The following PIK3AP1 variants were observed in gnomAD, a reference collection of about 807,000 sequenced individuals.
The protein encoded by PIK3AP1 is phosphoinositide-3-kinase adaptor protein 1.
A neutral mutation model predicts 88.1 loss-of-function variants in PIK3AP1; 21 were observed. The ratio of observed to expected loss-of-function variants is 0.24; its 90% confidence interval spans 0.17 to 0.34. The LOEUF (loss-of-function observed/expected upper bound fraction) is 0.34, where lower values mean the gene tolerates loss of function less well. PIK3AP1 is among the 10% of genes least tolerant of loss of function. PIK3AP1 has a pLI of 1.00. For missense variants in PIK3AP1, 828 were observed against 1,035.7 expected (o/e 0.80, Z 2.75); for synonymous variants, 398 against 400.0 (o/e 1.00, Z 0.06).
intron 2 of PIK3AP1, among the ~76,000 whole-genome samples, chr10:96,664,640 T>C (rs888402069): frequency 5.9e-5 from 9 of 152,174 alleles, no homozygotes; most frequent in Admixed American, 5.9e-4. Flanking sequence ...ATGCTAATAG[T>C]GCGGCACTTG....
rs935163609 is a variant in PIK3AP1 at position 96,626,870 on chromosome 10, G to C, written c.1507C>G (p.Gln503Glu). The C allele has an allele frequency of 2.5e-6, 4 of 1,614,060 alleles. No homozygotes were observed. The African/African-American group carries it at 4.0e-5, about 16-fold the overall frequency. ...TCTTCTTCCTGACCAAGATGGCACT[G>C]ATCTCTCTCCAGATTGGTCATTCCC... ...SMGMTNLERD[Q>E]CHLGQEEDVY... Residue 503 changes from glutamine (Q) to glutamate (E), a missense_variant, in exon 10 of 17, where the codon CAG becomes GAG. Gln to Glu is a conservative substitution (Grantham distance 29, BLOSUM62 2). Coordinates refer to ENST00000339364, the MANE Select transcript of PIK3AP1 (RefSeq NM_152309.3).
chr10:96,610,672 C>T (rs138880424), intron 13 of PIK3AP1, among the ~76,000 whole-genome samples: 3 of 152,322 alleles, frequency 2.0e-5, no homozygotes, highest in East Asian at 1.9e-4. Context: ...ATGCCTTTGT[C>T]GAGCAAAGCA....
At chr10:96,649,583 C>A (rs182032022) in intron 6 of PIK3AP1, among the ~76,000 whole-genome samples, 2 of 152,202 alleles carry the variant, frequency 1.3e-5, no homozygotes, top group Non-Finnish European at 2.9e-5. Context: ...ATCCTCTTAG[C>A]CCTTATTCCT....
chr10:96,642,339 T>C (rs1843400213), intron 8 of PIK3AP1, among the ~76,000 whole-genome samples: 1 of 148,304 alleles, frequency 6.7e-6, no homozygotes, highest in Non-Finnish European at 1.5e-5. Context: ...GGTAGGAGGA[T>C]GGCTTGAGCT....
intron 2 of PIK3AP1, among the ~76,000 whole-genome samples, chr10:96,694,330 A>C (rs1337361394): frequency 6.6e-6 from 1 of 152,084 alleles, no homozygotes; most frequent in African/African-American, 2.4e-5. Flanking sequence ...AAACTCAATA[A>C]ATATTTGATG....
intron 2 of PIK3AP1, among the ~76,000 whole-genome samples, chr10:96,687,255 C>CAAAAAAAA (rs59631566): frequency 1.9e-3 from 107 of 55,330 alleles, no homozygotes; most frequent in African/African-American, 3.2e-3. Context: ...TACTCCATCT[C>CAAAAAAAA]AAAAAAAAAA....
At chr10:96,694,938 T>C (rs1392604690) in intron 2 of PIK3AP1, among the ~76,000 whole-genome samples, 1 of 152,186 alleles carries the variant, frequency 6.6e-6, no homozygotes. Flanking sequence ...TTTAATCACA[T>C]GCATGCCCCG....
chr10:96,680,304 A>AT (rs548564794), intron 2 of PIK3AP1, among the ~76,000 whole-genome samples: 54 of 146,932 alleles, frequency 3.7e-4, no homozygotes, highest in Middle Eastern at 3.5e-3. Flanking sequence ...CATACTATTG[A>AT]TTTTTTTTTT....
intron 13 of PIK3AP1, among the ~76,000 whole-genome samples, chr10:96,612,970 A>T (rs1340045171): frequency 9.3e-6 from 1 of 107,190 alleles, no homozygotes; most frequent in Non-Finnish European, 1.7e-5. Flanking sequence ...ATATATATAT[A>T]TATATATATA....
chr10:96,666,402 G>A (rs370399663), intron 2 of PIK3AP1, among the ~76,000 whole-genome samples: 71 of 152,264 alleles, frequency 4.7e-4, no homozygotes, highest in African/African-American at 1.7e-3. Flanking sequence ...CTGGGCAACA[G>A]AGTGAGACTC....
chr10:96,604,192 A>T (rs1283915036), intron 14 of PIK3AP1, 143 bp from the exon 15 acceptor site: 2 of 686,316 alleles, frequency 2.9e-6, no homozygotes. Flanking sequence ...TGGCCATCTT[A>T]TACTTTTTGT....
intron 2 of PIK3AP1, among the ~76,000 whole-genome samples, chr10:96,707,732 C>T (rs1444086835): frequency 2.0e-5 from 3 of 152,166 alleles, no homozygotes; most frequent in African/African-American, 7.2e-5. Flanking sequence ...TAAGATCATC[C>T]ACAGAAACAA....
intron 6 of PIK3AP1, among the ~76,000 whole-genome samples, 170 bp from the exon 7 acceptor site, chr10:96,649,025 G>A (rs1054652162): frequency 6.6e-6 from 1 of 152,158 alleles, no homozygotes; most frequent in African/African-American, 2.4e-5. Context: ...CACCACTGAA[G>A]ATCATGTCCT....
chr10:96,602,982 C>T (rs1004108837), intron 15 of PIK3AP1, among the ~76,000 whole-genome samples: 12 of 152,194 alleles, frequency 7.9e-5, no homozygotes, highest in African/African-American at 2.2e-4. Context: ...ATACACAGAA[C>T]AGTGACCCCG....
chr10:96,695,892 T>C (rs563634953), intron 2 of PIK3AP1, among the ~76,000 whole-genome samples: 1 of 152,338 alleles, frequency 6.6e-6, no homozygotes, highest in South Asian at 2.1e-4. Context: ...ATCTGGCACA[T>C]TTTTAAGTAT....
rs1258534018 is a variant in PIK3AP1 at position 96,620,567 on chromosome 10, A to T, written c.1736-10T>A. 2 of 1,610,786 alleles carry T rather than the reference A, an allele frequency of 1.2e-6. No individual in the cohort carries two copies. The highest frequency in any genetic ancestry group is 1.7e-6 in the Non-Finnish European group (2 of 1,178,706). On this transcript the variant is annotated splice_polypyrimidine_tract_variant and intron_variant, in intron 11 of 16. Coordinates refer to ENST00000339364, the MANE Select transcript of PIK3AP1 (RefSeq NM_152309.3). ...GGTCTGACGGGCGGCCCTGGAAAGG[A>T]TGGCAAAACTCAGCTTGACAGCTCC...
At chr10:96,620,312 G>A (rs1454817939) in intron 12 of PIK3AP1, 40 bp downstream of exon 12, 2 of 1,600,288 alleles carry the variant, frequency 1.2e-6, no homozygotes, top group Non-Finnish European at 1.7e-6. Context: ...TGTCAAGTGG[G>A]GAAATAGACA....
intron 13 of PIK3AP1, among the ~76,000 whole-genome samples, chr10:96,610,749 A>G (rs1397471290): frequency 6.6e-6 from 1 of 152,068 alleles, no homozygotes; most frequent in Non-Finnish European, 1.5e-5. Flanking sequence ...TACATTTCCA[A>G]TGCTGGGTTC....
Position 96,716,677 on chromosome 10 carries a change from C to A in PIK3AP1, c.13+3705G>T, listed in dbSNP as rs190712298. Reference sequence around the variant, plus strand: ...GGAAACTCCTTTCTTCAGCAATAATCCTCTTCCTTTAACCATAAGTAGCTT... The same window carrying A: ...GGAAACTCCTTTCTTCAGCAATAATACTCTTCCTTTAACCATAAGTAGCTT... On this transcript the variant is annotated intron_variant, in intron 1 of 16. Coordinates refer to ENST00000339364, the MANE Select transcript of PIK3AP1 (RefSeq NM_152309.3). 2.6e-4 allele frequency among the ~76,000 whole-genome samples: 39 copies of A among 152,326 alleles called. No homozygotes were observed. In the East Asian group the frequency reaches 3.3e-3, roughly 13 times the overall value.
Sources: gnomAD v4.1 joint callset for allele counts (sites outside exome capture counted in the v4.1 genomes callset) on GRCh38, gnomAD v4.1.1 for gene constraint, MANE v1.5 for transcripts, NCBI Gene and HGNC (gene_info 2026-07-23, HGNC 2026-07-21) for gene names.